DAP3: variants seen among roughly 807,000 people sequenced by gnomAD.
The protein encoded by DAP3 is death associated protein 3.
Under a neutral mutation model 51.9 loss-of-function variants are expected in DAP3, and 28 were observed. The ratio of observed to expected loss-of-function variants is 0.54; its 90% CI spans 0.40 to 0.74. The LOEUF (loss-of-function observed/expected upper bound fraction) is 0.74. DAP3 is among the 30% of genes least tolerant of loss of function. The probability of loss-of-function intolerance (pLI) is 0.00; values close to 1 mark genes in which losing one functional copy is unlikely to be tolerated. For synonymous variants in DAP3, 170 were observed against 170.3 expected (o/e 1.00, Z 0.01); for missense variants, 458 against 483.5 (o/e 0.95, Z 0.49).
chr1:155,733,225 A>G (rs1220474601), intron 11 of DAP3, among the ~76,000 whole-genome samples: 1 of 152,232 alleles, frequency 6.6e-6, no homozygotes, highest in Non-Finnish European at 1.5e-5. Flanking sequence ...GCATCCTATC[A>G]GGAGGCACAT....
chr1:155,689,854 G>A (rs1653458757), intron 1 of DAP3, among the ~76,000 whole-genome samples: 1 of 152,200 alleles, frequency 6.6e-6, no homozygotes, highest in African/African-American at 2.4e-5. Context: ...GGAAGTTGCA[G>A]TGAGCCGAGA....
chr1:155,699,522 G>A (rs7554846), intron 1 of DAP3, among the ~76,000 whole-genome samples: 2 of 152,104 alleles, frequency 1.3e-5, no homozygotes, highest in Non-Finnish European at 2.9e-5. Flanking sequence ...TTTTCCCAAC[G>A]CTTAATGACT....
chr1:155,736,554 C>A (rs1659819236), intron 11 of DAP3: 1 of 245,334 alleles, frequency 4.1e-6, no homozygotes, highest in Non-Finnish European at 8.0e-6. Flanking sequence ...GTACCTGGGG[C>A]TAGAGGCACG....
chr1:155,708,798 A>G (rs1656326814), intron 1 of DAP3, among the ~76,000 whole-genome samples: 1 of 142,978 alleles, frequency 7.0e-6, no homozygotes, highest in African/African-American at 2.6e-5. Context: ...TCCGCCTCCC[A>G]GTTTCATGCC....
chr1:155,735,759 C>T (rs1659710440), intron 11 of DAP3, among the ~76,000 whole-genome samples: 1 of 151,832 alleles, frequency 6.6e-6, no homozygotes, highest in Non-Finnish European at 1.5e-5. Flanking sequence ...GCAACCTCCA[C>T]CTCCCAGGTT....
In DAP3 at chr1:155,730,693, A is replaced by G. The variant is rs567344555; in HGVS notation, c.844-663A>G. ...GGTAATGCCAAGAGTTCCACTATTCATTGAAAACTAAGGGAGTATGTTGTG... is the reference window on the plus strand; with the variant it reads ...GGTAATGCCAAGAGTTCCACTATTCGTTGAAAACTAAGGGAGTATGTTGTG... On this transcript the variant is annotated intron_variant, in intron 9 of 12. Transcript: ENST00000368336. 2.6e-5 allele frequency among the ~76,000 whole-genome samples: 4 copies of G among 152,330 alleles called. No homozygotes were observed. In the South Asian group the frequency reaches 8.3e-4, roughly 32 times the overall value.
At chr1:155,697,498 A>G (rs1265862504) in intron 1 of DAP3, among the ~76,000 whole-genome samples, 1 of 152,172 alleles carries the variant, frequency 6.6e-6, no homozygotes, top group Non-Finnish European at 1.5e-5. Flanking sequence ...CGGGGGTGAC[A>G]TCACATTTCA....
At chr1:155,695,345 C>T (rs534282980) in intron 1 of DAP3, among the ~76,000 whole-genome samples, 8 of 152,314 alleles carry the variant, frequency 5.3e-5, no homozygotes, top group African/African-American at 1.9e-4. Context: ...AACACCAGTT[C>T]CTTGATACGG....
intron 1 of DAP3, among the ~76,000 whole-genome samples, chr1:155,700,860 G>T (rs1306273570): frequency 2.1e-5 from 1 of 48,702 alleles, no homozygotes; most frequent in African/African-American, 9.4e-5. Flanking sequence ...CGCCCTGTCC[G>T]GGAGGGAGGT....
chr1:155,716,908 A>G lies in DAP3; in HGVS notation c.46-98A>G, dbSNP rs373473811. On this transcript the variant is annotated intron_variant, in intron 2 of 12. Transcript: ENST00000368336. ...GTTGTAGTGAGCCTGAGATCACGCC[A>G]TTGCACTCCAGCTTGGGCAACAAGA... 8.1e-5 allele frequency: 123 copies of G among 1,515,852 alleles called. No individual in the cohort carries two copies. In the Middle Eastern group the frequency reaches 3.2e-3, roughly 39 times the overall value. 93.9% of individuals were successfully genotyped at this position (1,515,852 alleles called of 1,614,324 possible).
Position 155,725,844 on chromosome 1 carries a change from CA to C in DAP3, c.380-76del, listed in dbSNP as rs1015484502. 2.6e-4 allele frequency: 359 copies of C among 1,378,946 alleles called. 2 individuals carry two copies. In the South Asian group the frequency reaches 4.2e-3, roughly 16 times the overall value. The allele number at this position is 1,378,946 out of a possible 1,614,324, so 85.4% of individuals were successfully genotyped here. A position where few individuals can be genotyped will look rare whatever the true frequency, so the allele number is the denominator to read the frequency against. On this transcript the variant is annotated intron_variant, in intron 5 of 12. Transcript: ENST00000368336. ...AAGCCACTGCACTCCAACCCCATCT[CA>C]AAAAAACAAAACAAAGCATAACTAC...
chr1:155,735,367 G>A (rs1343923190), intron 11 of DAP3, among the ~76,000 whole-genome samples: 3 of 152,108 alleles, frequency 2.0e-5, no homozygotes, highest in Non-Finnish European at 1.5e-5. Flanking sequence ...CCTGAGGTCA[G>A]GAGTTCAAGA....
rs188311983 is a variant in DAP3 at position 155,697,674 on chromosome 1, G to A, written c.-8+8500G>A. On this transcript the variant is annotated intron_variant, in intron 1 of 12. Transcript: ENST00000368336. ...CAGAGCGAGATCACAAGGCCAGGGCGAAACTAGAATTACTGATGAAGGTCC... is the reference window on the plus strand; with the variant it reads ...CAGAGCGAGATCACAAGGCCAGGGCAAAACTAGAATTACTGATGAAGGTCC... Among the ~76,000 whole-genome samples, 371 of 152,232 alleles carry A rather than the reference G, an allele frequency of 2.4e-3. 2 individuals carry two copies. The highest frequency in any genetic ancestry group is 8.4e-3 in the African/African-American group (348 of 41,548).
At chr1:155,711,654 T>C (rs948656699) in intron 2 of DAP3, among the ~76,000 whole-genome samples, 2 of 151,140 alleles carry the variant, frequency 1.3e-5, no homozygotes, top group Non-Finnish European at 1.5e-5. Flanking sequence ...ACAGCACTAA[T>C]AGGATAGAAG....
intron 1 of DAP3, among the ~76,000 whole-genome samples, chr1:155,699,887 A>T (rs952954812): frequency 2.6e-5 from 4 of 152,110 alleles, no homozygotes; most frequent in African/African-American, 9.7e-5. Flanking sequence ...AAGTGTGAGA[A>T]TTACAGGTGT....
At chr1:155,702,246 G>A (rs993833215) in intron 1 of DAP3, among the ~76,000 whole-genome samples, 23 of 151,890 alleles carry the variant, frequency 1.5e-4, no homozygotes, top group African/African-American at 4.6e-4. Flanking sequence ...GAGGCAGGTG[G>A]ATCATGAGGT....
Position 155,725,570 on chromosome 1 carries a change from A to G in DAP3, c.379+80A>G, listed in dbSNP as rs906739559. 7 of 1,340,812 alleles carry G rather than the reference A, an allele frequency of 5.2e-6. No homozygotes were observed. The Admixed American group carries it at 6.8e-5, about 13-fold the overall frequency. The allele number at this position is 1,340,812 out of a possible 1,614,324, so 83.1% of individuals were successfully genotyped here. Reference sequence around the variant, plus strand: ...TAAGGCAACAGAAGAAATGAAAAAAAGTACTGTTGAGGCCGGGCATGGTAG... The same window carrying G: ...TAAGGCAACAGAAGAAATGAAAAAAGGTACTGTTGAGGCCGGGCATGGTAG... On this transcript the variant is annotated intron_variant, in intron 5 of 12. Coordinates refer to ENST00000368336, the MANE Select transcript of DAP3 (RefSeq NM_004632.4).
Position 155,717,044 on chromosome 1 carries a change from TCGCCAAAG to T in DAP3, c.86_93del (p.Arg29HisfsTer7), listed in dbSNP as rs763690503. 2 of 1,613,934 alleles carry T rather than the reference TCGCCAAAG, an allele frequency of 1.2e-6. No homozygotes were observed. The highest frequency in any genetic ancestry group is 1.7e-6 in the Non-Finnish European group (2 of 1,179,990). ...GTTTTTTACACATGGGGACCCAGGC[TCGCCAAAG>T]CATTGCTGCTCACCTAGATAACCAG... On this transcript the variant is annotated frameshift_variant, in exon 3 of 13. Transcript: ENST00000368336. LOFTEE classifies it high-confidence loss of function.
At chr1:155,705,785 C>T (rs1655894427) in intron 1 of DAP3, among the ~76,000 whole-genome samples, 2 of 152,090 alleles carry the variant, frequency 1.3e-5, no homozygotes, top group South Asian at 4.1e-4. Context: ...ACTGCAACCT[C>T]TGCCTCCTGG....
Sources: gnomAD v4.1 joint callset for allele counts (sites outside exome capture counted in the v4.1 genomes callset) on GRCh38, gnomAD v4.1.1 for gene constraint, MANE v1.5 for transcripts, NCBI Gene and HGNC (gene_info 2026-07-23, HGNC 2026-07-21) for gene names.